SCN1A: variants seen among roughly 807,000 people sequenced by gnomAD.
The protein encoded by SCN1A is sodium channel protein type 1 subunit alpha.
SCN1A carries 13 observed loss-of-function variants against 193.7 expected under a neutral mutation model. The observed-to-expected ratio is 0.07, with a 90% confidence interval of 0.04 to 0.11. SCN1A has a LOEUF of 0.11. Ranked by LOEUF, SCN1A falls within the 10% of genes least tolerant of loss-of-function variation. SCN1A has a pLI of 1.00. For synonymous variants in SCN1A, 781 were observed against 843.6 expected, an observed-to-expected ratio of 0.93 and a Z score of 1.29; for missense variants, 1,432 against 2,451.1, an observed-to-expected ratio of 0.58 and a Z score of 8.78.
At chr2:166,140,036 C>T (rs1404122727) in intron 1 of SCN1A, among the ~76,000 whole-genome samples, 1 of 152,100 alleles carries the variant, frequency 6.6e-6, no homozygotes, top group African/African-American at 2.4e-5. Context: ...TCAAACCTCA[C>T]AACAGTCTCA....
At chr2:166,087,529 T>C (rs1686272295) in intron 2 of SCN1A, among the ~76,000 whole-genome samples, 1 of 152,038 alleles carries the variant, frequency 6.6e-6, no homozygotes, top group Non-Finnish European at 1.5e-5. Flanking sequence ...GGCCATGTGG[T>C]CTCTACCCCA....
intron 24 of SCN1A, 109 bp downstream of exon 24, chr2:166,002,363 A>G: frequency 8.4e-7 from 1 of 1,196,880 alleles, no homozygotes; most frequent in South Asian, 1.6e-5. Flanking sequence ...AATTTTTTAA[A>G]TAGAAAGAAA....
intron 2 of SCN1A, among the ~76,000 whole-genome samples, chr2:166,124,426 A>T (rs971796812): frequency 6.6e-6 from 1 of 152,008 alleles, no homozygotes; most frequent in African/African-American, 2.4e-5. Flanking sequence ...ACTCGCCTGT[A>T]GTCCCAGCTA....
At chr2:166,071,230 A>T (rs993959725) in intron 4 of SCN1A, among the ~76,000 whole-genome samples, 10 of 152,216 alleles carry the variant, frequency 6.6e-5, no homozygotes, top group Non-Finnish European at 1.3e-4. Context: ...TTATACAAAT[A>T]AAGTCCTTGT....
chr2:166,109,492 TAC>T (rs1689067719), intron 2 of SCN1A: 1 of 152,898 alleles, frequency 6.5e-6, no homozygotes, highest in Non-Finnish European at 1.5e-5. Context: ...GCTTCACAGA[TAC>T]AGTTTTTCAC....
chr2:166,070,546 C>A (rs1476088042), intron 4 of SCN1A, among the ~76,000 whole-genome samples: 1 of 152,150 alleles, frequency 6.6e-6, no homozygotes, highest in Non-Finnish European at 1.5e-5. Flanking sequence ...AGGGTTTCCT[C>A]GACACAAGAA....
intron 1 of SCN1A, among the ~76,000 whole-genome samples, chr2:166,133,368 A>G (rs1431876231): frequency 6.6e-6 from 1 of 152,206 alleles, no homozygotes; most frequent in Non-Finnish European, 1.5e-5. Flanking sequence ...GAGGGAAATA[A>G]CAATATTCCT....
chr2:166,145,528 T>TG (rs1692287069), intron 1 of SCN1A, among the ~76,000 whole-genome samples: 2 of 150,408 alleles, frequency 1.3e-5, no homozygotes, highest in South Asian at 2.1e-4. Context: ...GGAGAAAAAT[T>TG]TGTGTGTGTG....
chr2:166,114,157 C>T (rs1249086657), intron 2 of SCN1A, among the ~76,000 whole-genome samples: 1 of 151,964 alleles, frequency 6.6e-6, no homozygotes, highest in Non-Finnish European at 1.5e-5. Context: ...ATCAAGAACT[C>T]TAAGAAGAAA....
intron 22 of SCN1A, among the ~76,000 whole-genome samples, chr2:166,010,608 TAA>T (rs1692311111): frequency 6.6e-6 from 1 of 151,290 alleles, no homozygotes; most frequent in South Asian, 2.1e-4. Flanking sequence ...AGGAATTTAC[TAA>T]AACTTTGTAT....
chr2:166,072,828 C>T (rs1202216279), intron 4 of SCN1A, among the ~76,000 whole-genome samples: 2 of 141,582 alleles, frequency 1.4e-5, no homozygotes, highest in Non-Finnish European at 3.0e-5. Context: ...CTCCCACCCT[C>T]TCTTCTTTCT....
chr2:166,049,881 TTGAA>T (rs1698328524), intron 9 of SCN1A, among the ~76,000 whole-genome samples: 1 of 151,988 alleles, frequency 6.6e-6, no homozygotes, highest in Admixed American at 6.6e-5. Context: ...GTAAAGTTTA[TTGAA>T]TGAATAAGTA....
At chr2:166,011,965 A>G (rs1489357281) in intron 22 of SCN1A, 144 bp downstream of exon 22, 1 of 709,794 alleles carries the variant, frequency 1.4e-6, no homozygotes, top group Non-Finnish European at 2.5e-6. Flanking sequence ...TCTTCCAGAA[A>G]TGACACTCTC....
At position 166,045,160 on chromosome 2, in the gene SCN1A, T is replaced by C; in HGVS notation, c.1545A>G (p.Lys515=). Residue 515 remains lysine (K), a synonymous_variant, in exon 13 of 29, where the codon AAA becomes AAG. Transcript: ENST00000674923. The part of the protein sequence containing the change: ...KQKEQSGGEE[K]DEDEFQKSES... The stretch of plus-strand genomic sequence containing the variant: ...CAGATTTTTGGAATTCATCCTCATC[T>C]TTCTCTTCCCCACCAGACTGCTCTT... 6.2e-7 allele frequency: 1 copy of C among 1,614,172 alleles called. No homozygotes were observed. The highest frequency in any genetic ancestry group is 8.5e-7 in the Non-Finnish European group (1 of 1,180,032).
chr2:165,996,278 G>A (rs1434928545), intron 26 of SCN1A, 161 bp from the exon 27 acceptor site: 2 of 495,040 alleles, frequency 4.0e-6, no homozygotes, highest in Non-Finnish European at 7.2e-6. Flanking sequence ...GTACTCTTTA[G>A]GTATGATAAT....
At chr2:166,114,291 A>T (rs1689616078) in intron 2 of SCN1A, among the ~76,000 whole-genome samples, 1 of 152,338 alleles carries the variant, frequency 6.6e-6, no homozygotes, top group Non-Finnish European at 1.5e-5. Flanking sequence ...GCAGGAAAAC[A>T]TCTGAGAGTA....
At chr2:166,111,145 AT>A (rs1441659380) in intron 2 of SCN1A, among the ~76,000 whole-genome samples, 1 of 152,172 alleles carries the variant, frequency 6.6e-6, no homozygotes, top group Non-Finnish European at 1.5e-5. Flanking sequence ...ACAGCCTTAT[AT>A]TAAAAGAAGA....
intron 28 of SCN1A, chr2:165,993,519 G>A (rs533241013): frequency 2.0e-4 from 31 of 152,430 alleles, no homozygotes; most frequent in African/African-American, 7.2e-4. Flanking sequence ...TTGCTCATGA[G>A]GCTAGTTATG....
Position 165,991,650 on chromosome 2 carries a change from A to T in SCN1A, c.5625T>A (p.Val1875=). 6.2e-7 allele frequency: 1 copy of T among 1,613,940 alleles called. No homozygotes were observed. The highest frequency in any genetic ancestry group is 1.1e-5 in the South Asian group (1 of 91,080). ...CATCCATCTCTCCACTCTCTCCTAG[A>T]ACCCGCTTTGTAAAAGCAAATAAGA... The part of the protein sequence containing the change: ...LDILFAFTKR[V]LGESGEMDAL... The change falls in exon 29 of 29, where the codon GTT becomes GTA. Residue 1875 remains valine, a synonymous_variant. Coordinates refer to ENST00000674923, the MANE Select transcript of SCN1A (RefSeq NM_001165963.4).
Sources: gnomAD v4.1 joint callset for allele counts (sites outside exome capture counted in the v4.1 genomes callset) on GRCh38, gnomAD v4.1.1 for gene constraint, MANE v1.5 for transcripts, NCBI Gene and HGNC (gene_info 2026-07-23, HGNC 2026-07-21) for gene names.